SGCD: variants seen among roughly 807,000 people sequenced by gnomAD.
The protein encoded by SGCD is delta-sarcoglycan.
SGCD carries 18 observed loss-of-function variants against 36.6 expected under a neutral mutation model. That is an observed-to-expected ratio of 0.49 (90% confidence interval 0.34 to 0.73). SGCD has a LOEUF of 0.73. Among genes scored for constraint, SGCD ranks in the 30% least tolerant of loss-of-function variants. The pLI is 0.01. For synonymous variants in SGCD, 133 were observed against 130.6 expected, an observed-to-expected ratio of 1.02 and a Z score of -0.12; for missense variants, 387 against 346.7, an observed-to-expected ratio of 1.12 and a Z score of -0.92.
chr5:155,925,126 G>A (rs937673062), intron 1 of SGCD, among the ~76,000 whole-genome samples: 2 of 151,728 alleles, frequency 1.3e-5, no homozygotes, highest in Non-Finnish European at 2.9e-5. Context: ...GATAGTGATA[G>A]TAAAAACAAT....
chr5:156,490,099 GA>G (rs1383845618), intron 3 of SGCD, among the ~76,000 whole-genome samples: 5 of 151,890 alleles, frequency 3.3e-5, no homozygotes, highest in Non-Finnish European at 7.4e-5. Flanking sequence ...TAACAAATTG[GA>G]AAATCTAGCG....
intron 7 of SGCD, among the ~76,000 whole-genome samples, chr5:156,717,886 C>T (rs112752367): frequency 1.3e-5 from 2 of 152,222 alleles, no homozygotes; most frequent in Non-Finnish European, 2.9e-5. Context: ...CCTGACCAAC[C>T]CCCAAGGCTT....
At chr5:156,025,696 A>G (rs1377082131) in intron 1 of SGCD, among the ~76,000 whole-genome samples, 2 of 152,128 alleles carry the variant, frequency 1.3e-5, no homozygotes, top group Admixed American at 6.5e-5. Flanking sequence ...ATTATGTTGT[A>G]TTATTTTGTT....
intron 3 of SGCD, among the ~76,000 whole-genome samples, chr5:156,371,309 A>G (rs1338437103): frequency 6.6e-6 from 1 of 152,098 alleles, no homozygotes; most frequent in Admixed American, 6.5e-5. Context: ...AATTTTTTGT[A>G]TTACAAATTG....
chr5:156,206,007 A>G (rs566914888), intron 3 of SGCD, among the ~76,000 whole-genome samples: 1 of 147,656 alleles, frequency 6.8e-6, no homozygotes, highest in Admixed American at 6.8e-5. Context: ...TATATATATT[A>G]TATATTATAT....
chr5:156,306,656 TC>T (rs1307759428), intron 3 of SGCD, among the ~76,000 whole-genome samples: 1 of 152,206 alleles, frequency 6.6e-6, no homozygotes, highest in Non-Finnish European at 1.5e-5. Context: ...TTCAAGACTA[TC>T]TTTTATACCT....
chr5:156,157,239 A>C (rs956956943), intron 3 of SGCD, among the ~76,000 whole-genome samples: 4 of 151,902 alleles, frequency 2.6e-5, no homozygotes, highest in Admixed American at 2.6e-4. Flanking sequence ...CTATGACAGA[A>C]CTGGACTCAG....
chr5:155,964,118 G>T (rs1757850244), intron 1 of SGCD, among the ~76,000 whole-genome samples: 1 of 152,052 alleles, frequency 6.6e-6, no homozygotes, highest in African/African-American at 2.4e-5. Flanking sequence ...TGACTAGACT[G>T]CATTTCCCCT....
intron 1 of SGCD, among the ~76,000 whole-genome samples, chr5:156,052,190 C>G (rs776884326): frequency 6.8e-6 from 1 of 146,230 alleles, no homozygotes; most frequent in African/African-American, 2.5e-5. Context: ...CTGCAAATGT[C>G]GTGAACTTCC....
intron 3 of SGCD, among the ~76,000 whole-genome samples, chr5:156,265,412 TAAATGC>T (rs1042824226): frequency 7.2e-5 from 11 of 152,054 alleles, no homozygotes; most frequent in Admixed American, 3.9e-4. Context: ...GCTAGCCAGT[TAAATGC>T]AATTGATCCT....
intron 3 of SGCD, among the ~76,000 whole-genome samples, chr5:156,179,703 C>G (rs904238982): frequency 1.3e-5 from 2 of 150,306 alleles, no homozygotes; most frequent in Non-Finnish European, 3.0e-5. Flanking sequence ...CTCACTGGAA[C>G]CTCTCCGCCT....
At position 156,713,915 on chromosome 5, in the gene SGCD, C is replaced by CTT. The variant is rs140613381; in HGVS notation, c.576-43666_576-43665insTT. Among the ~76,000 whole-genome samples, 1,052 of 152,326 alleles carry CTT rather than the reference C, an allele frequency of 6.9e-3. 7 individuals carry two copies. The highest frequency in any genetic ancestry group is 0.011 in the Non-Finnish European group (781 of 68,038). ...CACCAATCCAGTGATTTCACCAGCTCAAAGAGCTAATTGTGGCATTCACAG... is the reference window on the plus strand; with the variant it reads ...CACCAATCCAGTGATTTCACCAGCTCTTAAAGAGCTAATTGTGGCATTCACAG... On this transcript the variant is annotated intron_variant, in intron 7 of 8. Coordinates refer to ENST00000337851, the MANE Select transcript of SGCD (RefSeq NM_000337.6).
At chr5:156,643,391 G>T (rs867811012) in intron 6 of SGCD, among the ~76,000 whole-genome samples, 1 of 151,978 alleles carries the variant, frequency 6.6e-6, no homozygotes, top group African/African-American at 2.4e-5. Flanking sequence ...ATTATACCGT[G>T]AGCTTCTTAC....
intron 1 of SGCD, among the ~76,000 whole-genome samples, chr5:155,870,908 G>C (rs1172074798): frequency 6.6e-6 from 1 of 152,176 alleles, no homozygotes; most frequent in Admixed American, 6.5e-5. Context: ...AGAATGAATA[G>C]AGTCCATTTT....
chr5:156,521,520 A>G (rs1015937811), intron 4 of SGCD, among the ~76,000 whole-genome samples: 2 of 152,124 alleles, frequency 1.3e-5, no homozygotes, highest in African/African-American at 4.8e-5. Flanking sequence ...AATAAAACAC[A>G]TTATAAAGTG....
the SGCD span, among the ~76,000 whole-genome samples, chr5:155,858,911 T>C: frequency 1.4e-5 from 2 of 148,070 alleles, no homozygotes; most frequent in Admixed American, 1.4e-4. Context: ...GCTTTGAGAA[T>C]TGAATGTGTT....
At chr5:155,828,764 G>T in the SGCD span, among the ~76,000 whole-genome samples, 2 of 151,566 alleles carry the variant, frequency 1.3e-5, no homozygotes, top group African/African-American at 2.4e-5. Flanking sequence ...TTGGCTCATT[G>T]TAACCTCCGC....
intron 1 of SGCD, among the ~76,000 whole-genome samples, chr5:156,067,801 G>A (rs371074539): frequency 3.6e-5 from 5 of 138,102 alleles, no homozygotes; most frequent in South Asian, 4.2e-4. Flanking sequence ...GCTTCGGCTC[G>A]CGCACGGTGC....
intron 7 of SGCD, among the ~76,000 whole-genome samples, chr5:156,701,826 C>CA (rs1038110828): frequency 9.2e-5 from 14 of 151,698 alleles, no homozygotes; most frequent in Middle Eastern, 6.8e-3. Context: ...TGTATGTTTA[C>CA]AAAAAAAAGC....
Sources: gnomAD v4.1 joint callset for allele counts (sites outside exome capture counted in the v4.1 genomes callset) on GRCh38, gnomAD v4.1.1 for gene constraint, MANE v1.5 for transcripts, NCBI Gene and HGNC (gene_info 2026-07-23, HGNC 2026-07-21) for gene names.